COL19A1: variants seen among roughly 807,000 people sequenced by gnomAD.
COL19A1 encodes collagen alpha-1(XIX) chain.
In COL19A1, 159 loss-of-function variants were observed where a neutral mutation model predicts 190.2. The observed-to-expected ratio is 0.84, with a 90% CI of 0.73 to 0.95. The LOEUF is 0.95. Ranked by LOEUF, COL19A1 falls within the 40% of genes least tolerant of loss-of-function variation. The pLI is 0.00. For synonymous variants in COL19A1, 509 were observed against 458.9 expected, an observed-to-expected ratio of 1.11 and a Z score of -1.39; for missense variants, 1,418 against 1,431.9, an observed-to-expected ratio of 0.99 and a Z score of 0.16.
intron 11 of COL19A1, among the ~76,000 whole-genome samples, chr6:70,000,049 G>C (rs2150083131): frequency 6.6e-6 from 1 of 152,100 alleles, no homozygotes; most frequent in Admixed American, 6.5e-5. Flanking sequence ...GCCCTGGTGT[G>C]TGTTGTTCCC....
chr6:70,040,244 TC>T (rs758089514), intron 14 of COL19A1, among the ~76,000 whole-genome samples: 107 of 152,090 alleles, frequency 7.0e-4, no homozygotes, highest in Admixed American at 1.2e-3. Context: ...ACTCGTTGAG[TC>T]TGTATATAAT....
intron 15 of COL19A1, among the ~76,000 whole-genome samples, chr6:70,098,912 G>T (rs897121973): frequency 8.6e-5 from 13 of 151,734 alleles, no homozygotes; most frequent in Non-Finnish European, 2.9e-5. Context: ...ATGGACTATT[G>T]TGTTGATAGA....
At chr6:70,198,555 T>A (rs576925450) in intron 48 of COL19A1, among the ~76,000 whole-genome samples, 2 of 152,206 alleles carry the variant, frequency 1.3e-5, no homozygotes, top group Non-Finnish European at 2.9e-5. Flanking sequence ...TGAGGTATAC[T>A]AAATATAAAC....
chr6:69,894,964 G>GA (rs1169552159), intron 2 of COL19A1, among the ~76,000 whole-genome samples: 1 of 152,158 alleles, frequency 6.6e-6, no homozygotes, highest in African/African-American at 2.4e-5. Context: ...GAGGAGGAAA[G>GA]AAAAAACATT....
intron 4 of COL19A1, among the ~76,000 whole-genome samples, chr6:69,925,555 A>T (rs1772315940): frequency 6.6e-6 from 1 of 152,044 alleles, no homozygotes; most frequent in Non-Finnish European, 1.5e-5. Flanking sequence ...CTTAGGATTG[A>T]CTTGGCAATG....
Position 69,883,144 on chromosome 6 carries a change from C to T in COL19A1, c.91+3486C>T, listed in dbSNP as rs140169794. Among the ~76,000 whole-genome samples the T allele has an allele frequency of 5.3e-5, 8 of 152,252 alleles. No individual in the cohort carries two copies. In the East Asian group the frequency reaches 7.7e-4, roughly 15 times the overall value. On this transcript the variant is annotated intron_variant, in intron 2 of 50. Coordinates refer to ENST00000620364, the MANE Select transcript of COL19A1 (RefSeq NM_001858.6). ...ACTTGGTCCCCAGGCTCTGAGGCGGCGGCATGCTTGGCATGTGGAAGAAAT... is the reference window on the plus strand; with the variant it reads ...ACTTGGTCCCCAGGCTCTGAGGCGGTGGCATGCTTGGCATGTGGAAGAAAT...
chr6:70,098,445 C>G (rs745328264), intron 15 of COL19A1: 1 of 512,386 alleles, frequency 2.0e-6, no homozygotes. Context: ...GTTGTTCCTT[C>G]TCAGAATCCA....
intron 42 of COL19A1, among the ~76,000 whole-genome samples, chr6:70,179,464 T>C (rs1274985568): frequency 2.0e-5 from 3 of 152,182 alleles, no homozygotes; most frequent in Non-Finnish European, 4.4e-5. Context: ...CTCGCTGTGG[T>C]CTGTCTGCTC....
intron 11 of COL19A1, among the ~76,000 whole-genome samples, chr6:70,005,527 T>A (rs1334442959): frequency 6.6e-6 from 1 of 152,194 alleles, no homozygotes; most frequent in Admixed American, 6.5e-5. Flanking sequence ...GATGGGTGTC[T>A]GCTCCTTCTT....
At chr6:70,022,730 C>G (rs1778484541) in intron 11 of COL19A1, among the ~76,000 whole-genome samples, 1 of 152,116 alleles carries the variant, frequency 6.6e-6, no homozygotes, top group African/African-American at 2.4e-5. Flanking sequence ...CTGTATCTTG[C>G]TTTTTATATC....
intron 14 of COL19A1, among the ~76,000 whole-genome samples, chr6:70,036,143 T>A (rs1417288103): frequency 1.3e-5 from 2 of 152,186 alleles, no homozygotes; most frequent in Admixed American, 6.5e-5. Flanking sequence ...ATACAGGTAG[T>A]TACAATTAAA....
intron 4 of COL19A1, among the ~76,000 whole-genome samples, chr6:69,903,433 G>A (rs1163334525): frequency 6.6e-6 from 1 of 152,118 alleles, no homozygotes; most frequent in Non-Finnish European, 1.5e-5. Flanking sequence ...TCGCTAAAGT[G>A]GATGTCTGCA....
At chr6:69,970,137 A>G (rs1775338685) in intron 11 of COL19A1, among the ~76,000 whole-genome samples, 1 of 152,174 alleles carries the variant, frequency 6.6e-6, no homozygotes, top group Admixed American at 6.5e-5. Flanking sequence ...AGGTGAAAAA[A>G]GGGGCCATTT....
At chr6:70,189,754 C>T (rs1247379588) in intron 47 of COL19A1, among the ~76,000 whole-genome samples, 2 of 152,136 alleles carry the variant, frequency 1.3e-5, no homozygotes, top group Non-Finnish European at 2.9e-5. Context: ...TACTTAATAC[C>T]TATATACTTG....
intron 14 of COL19A1, among the ~76,000 whole-genome samples, chr6:70,064,275 C>A (rs1276897316): frequency 6.6e-6 from 1 of 152,146 alleles, no homozygotes; most frequent in African/African-American, 2.4e-5. Flanking sequence ...AAAGCTTATC[C>A]ACCATGATCA....
intron 14 of COL19A1, among the ~76,000 whole-genome samples, chr6:70,066,069 T>A (rs1188269512): frequency 2.0e-5 from 3 of 152,148 alleles, no homozygotes; most frequent in Non-Finnish European, 2.9e-5. Flanking sequence ...GAACTAGAAA[T>A]ACCATTTGAC....
In COL19A1 at chr6:70,196,783, A is replaced by G. The variant is rs1005528024; in HGVS notation, c.3095-2825A>G. ...CTCATTAGAAAGCATAGCCAAAAAC[A>G]TTTTAATTGACTGAAGATCCCTGAA... is the stretch of plus-strand genomic sequence containing the variant. On this transcript the variant is annotated intron_variant, in intron 48 of 50. Coordinates refer to ENST00000620364, the MANE Select transcript of COL19A1 (RefSeq NM_001858.6). Among the ~76,000 whole-genome samples the G allele has an allele frequency of 5.9e-4, 90 of 152,216 alleles. 1 individual carries two copies. The highest frequency in any genetic ancestry group is 1.3e-4 in the Non-Finnish European group (9 of 68,034).
intron 40 of COL19A1, among the ~76,000 whole-genome samples, chr6:70,171,059 A>C (rs1336530272): frequency 6.6e-6 from 1 of 152,198 alleles, no homozygotes; most frequent in Non-Finnish European, 1.5e-5. Flanking sequence ...AAGCTTGTCC[A>C]ACCCATGGCC....
chr6:70,159,782 AT>A (rs748632722), intron 34 of COL19A1, among the ~76,000 whole-genome samples: 148 of 152,264 alleles, frequency 9.7e-4, no homozygotes, highest in Non-Finnish European at 8.8e-4. Flanking sequence ...AAATGCATAT[AT>A]CATAATAGTA....
Sources: gnomAD v4.1 joint callset for allele counts (sites outside exome capture counted in the v4.1 genomes callset) on GRCh38, gnomAD v4.1.1 for gene constraint, MANE v1.5 for transcripts, NCBI Gene and HGNC (gene_info 2026-07-23, HGNC 2026-07-21) for gene names.